SCAPER: variants seen among roughly 807,000 people sequenced by gnomAD.
SCAPER encodes the protein S-phase cyclin A associated protein in the ER, also known as S phase cyclin A-associated protein in the endoplasmic reticulum.
SCAPER carries 98 observed loss-of-function variants against 182.2 expected under a neutral mutation model. The ratio of observed to expected loss-of-function variants is 0.54; its 90% CI spans 0.46 to 0.64. The LOEUF (loss-of-function observed/expected upper bound fraction) is 0.64, where lower values mean the gene tolerates loss of function less well. SCAPER is among the 30% of genes least tolerant of loss of function. The pLI, the probability that SCAPER is intolerant of heterozygous loss-of-function variation, is 0.00. For missense variants in SCAPER, 1,432 were observed against 1,690.0 expected (o/e 0.85, Z 2.68); for synonymous variants, 605 against 564.6 (o/e 1.07, Z -1.01).
chr15:76,702,190 T>C (rs564489588), intron 19 of SCAPER, among the ~76,000 whole-genome samples: 3 of 151,764 alleles, frequency 2.0e-5, no homozygotes, highest in African/African-American at 7.2e-5. Context: ...AAAAAAGACA[T>C]GTTACAGCCA....
At chr15:76,519,788 TTC>T (rs1428208688) in intron 23 of SCAPER, among the ~76,000 whole-genome samples, 2 of 152,216 alleles carry the variant, frequency 1.3e-5, no homozygotes, top group African/African-American at 4.8e-5. Flanking sequence ...CATCTTTGAA[TTC>T]TGTCCCCCAA....
chr15:76,696,533 A>G (rs1412711007), intron 20 of SCAPER, among the ~76,000 whole-genome samples: 1 of 152,168 alleles, frequency 6.6e-6, no homozygotes, highest in Non-Finnish European at 1.5e-5. Flanking sequence ...TACAATGTAC[A>G]TGCTTTTAAA....
At chr15:76,461,657 A>C (rs2049186510) in intron 25 of SCAPER, among the ~76,000 whole-genome samples, 1 of 151,994 alleles carries the variant, frequency 6.6e-6, no homozygotes, top group Admixed American at 6.6e-5. Context: ...TCTGTCATTG[A>C]GCTGAGTCAT....
chr15:76,857,905 T>A, intron 3 of SCAPER, 26 bp from the exon 4 acceptor site: 1 of 1,446,266 alleles, frequency 6.9e-7, no homozygotes, highest in Non-Finnish European at 9.5e-7. Context: ...AAAATAAATA[T>A]GTAGATATAC....
At chr15:76,459,602 G>A (rs2049003304) in intron 25 of SCAPER, among the ~76,000 whole-genome samples, 1 of 144,436 alleles carries the variant, frequency 6.9e-6, no homozygotes, top group African/African-American at 2.5e-5. Context: ...TGAATAGTTT[G>A]TAAATATTTT....
chr15:76,579,265 CAAAAAAAAA>C (rs71143342), intron 22 of SCAPER, among the ~76,000 whole-genome samples: 2 of 49,484 alleles, frequency 4.0e-5, no homozygotes, highest in Non-Finnish European at 6.6e-5. Flanking sequence ...GACTCTGTCT[CAAAAAAAAA>C]AAAAAAAAAA....
intron 8 of SCAPER, among the ~76,000 whole-genome samples, chr15:76,787,204 A>G (rs563283472): frequency 6.6e-6 from 1 of 152,202 alleles, no homozygotes; most frequent in Non-Finnish European, 1.5e-5. Context: ...AAAAGAAAAG[A>G]AGCAATCACT....
chr15:76,853,082 G>C (rs1178757589), intron 4 of SCAPER, among the ~76,000 whole-genome samples: 1 of 152,200 alleles, frequency 6.6e-6, no homozygotes, highest in Admixed American at 6.5e-5. Flanking sequence ...ACCTAGAAGA[G>C]ATGGATAAAT....
chr15:76,711,700 CT>C (rs2059579850), intron 17 of SCAPER, among the ~76,000 whole-genome samples: 1 of 152,042 alleles, frequency 6.6e-6, no homozygotes, highest in Non-Finnish European at 1.5e-5. Context: ...ATGATGAGCA[CT>C]TTTTCATGTG....
chr15:76,761,290 GTTGA>G (rs1598572082), intron 14 of SCAPER, among the ~76,000 whole-genome samples: 1 of 151,874 alleles, frequency 6.6e-6, no homozygotes, highest in Non-Finnish European at 1.5e-5. Flanking sequence ...CCACCGTTTT[GTTGA>G]TTTTTTCCCA....
In SCAPER at chr15:76,801,669, C is replaced by T. The variant is rs1048141745; in HGVS notation, c.495-1305G>A. 5.3e-5 allele frequency among the ~76,000 whole-genome samples: 8 copies of T among 151,636 alleles called. 1 individual carries two copies. The East Asian group carries it at 1.6e-3, about 30-fold the overall frequency. ...GCATGGTGGCCCATTCCTGTAATCCCAGCACTTTGGGAGGCCAAGGAGGGC... is the reference window on the plus strand; with the variant it reads ...GCATGGTGGCCCATTCCTGTAATCCTAGCACTTTGGGAGGCCAAGGAGGGC... On this transcript the variant is annotated intron_variant, in intron 6 of 31. Coordinates refer to ENST00000563290, the MANE Select transcript of SCAPER (RefSeq NM_020843.4).
intron 5 of SCAPER, among the ~76,000 whole-genome samples, chr15:76,837,287 G>A (rs1220873681): frequency 6.6e-6 from 1 of 152,130 alleles, no homozygotes; most frequent in Non-Finnish European, 1.5e-5. Context: ...AAAAAATGCT[G>A]TATCAGTCTG....
chr15:76,572,944 C>CAG (rs1555489500), intron 23 of SCAPER, among the ~76,000 whole-genome samples: 3 of 151,552 alleles, frequency 2.0e-5, no homozygotes, highest in African/African-American at 7.3e-5. Flanking sequence ...CACACACACA[C>CAG]AGAGAAATGT....
At chr15:76,728,905 T>C (rs1005011094) in intron 16 of SCAPER, among the ~76,000 whole-genome samples, 168 bp from the exon 17 acceptor site, 2 of 152,204 alleles carry the variant, frequency 1.3e-5, no homozygotes, top group Admixed American at 1.3e-4. Flanking sequence ...ATAGCAATGA[T>C]ATCTGGTTTC....
chr15:76,574,084 A>G, intron 23 of SCAPER, 74 bp downstream of exon 23: 3 of 1,462,972 alleles, frequency 2.1e-6, no homozygotes, highest in Admixed American at 2.2e-5. Flanking sequence ...AGTCTGCCTT[A>G]TAGCTCTATG....
At chr15:76,769,391 C>T (rs550401070) in intron 10 of SCAPER, among the ~76,000 whole-genome samples, 1 of 143,352 alleles carries the variant, frequency 7.0e-6, no homozygotes, top group East Asian at 2.1e-4. Context: ...TGCAGTGAGC[C>T]AAGACTGCAC....
chr15:76,515,331 G>C (rs9646213), intron 23 of SCAPER, among the ~76,000 whole-genome samples: 60,789 of 152,050 alleles, frequency 0.4, 14,291 homozygotes, highest in Middle Eastern at 0.55. Flanking sequence ...CACAAGACCT[G>C]AGTGGTCTTT....
intron 1 of SCAPER, among the ~76,000 whole-genome samples, chr15:76,904,036 C>A (rs2074938804): frequency 6.6e-6 from 1 of 152,134 alleles, no homozygotes; most frequent in African/African-American, 2.4e-5. Flanking sequence ...AATATTAATT[C>A]TTTAGTGGAT....
At chr15:76,804,217 C>A (rs2065977835) in intron 6 of SCAPER, among the ~76,000 whole-genome samples, 1 of 152,096 alleles carries the variant, frequency 6.6e-6, no homozygotes, top group Admixed American at 6.5e-5. Context: ...AGAGATTTGT[C>A]CTTATCTGAA....
Sources: gnomAD v4.1 joint callset for allele counts (sites outside exome capture counted in the v4.1 genomes callset) on GRCh38, gnomAD v4.1.1 for gene constraint, MANE v1.5 for transcripts, NCBI Gene and HGNC (gene_info 2026-07-23, HGNC 2026-07-21) for gene names.